ZNF862: variants seen among roughly 807,000 people sequenced by gnomAD.
ZNF862 encodes zinc finger protein 862.
A neutral mutation model predicts 91.1 loss-of-function variants in ZNF862; 64 were observed. The ratio of observed to expected loss-of-function variants is 0.70; its 90% CI spans 0.57 to 0.87. ZNF862 has a LOEUF of 0.87. Among genes scored for constraint, ZNF862 ranks in the 40% least tolerant of loss-of-function variants. ZNF862 has a pLI of 0.00. For missense variants in ZNF862, 1,459 were observed against 1,528.0 expected (o/e 0.95, Z 0.75); for synonymous variants, 631 against 618.1 (o/e 1.02, Z -0.31).
intron 6 of ZNF862, chr7:149,860,045 C>T: frequency 2.9e-6 from 1 of 341,966 alleles, no homozygotes; most frequent in South Asian, 5.7e-5. Context: ...GAGTGAAAGC[C>T]ACCTGCTTAT....
intron 2 of ZNF862, 52 bp from the exon 3 acceptor site, chr7:149,846,099 C>T (rs1242935893): frequency 1.7e-5 from 23 of 1,381,162 alleles, no homozygotes; most frequent in Admixed American, 3.7e-5. Flanking sequence ...GGAGCCAGGT[C>T]TTCATAGTGC....
Position 149,862,498 on chromosome 7 carries a change from A to G in ZNF862, c.3334+4A>G. 1.3e-6 allele frequency: 2 copies of G among 1,577,022 alleles called. No individual in the cohort carries two copies. Among genetic ancestry groups the G allele is most frequent in the Non-Finnish European group, 1.7e-6 (2 of 1,158,790 alleles). On this transcript the variant is annotated splice_donor_region_variant and intron_variant, in intron 7 of 7. Coordinates refer to ENST00000223210, the MANE Select transcript of ZNF862 (RefSeq NM_001099220.3). ...GTGCCAGCCCGCTCCCCTGCAAGTAAGTACACGTGGCAGAGCTCCCCCAAG... is the reference window on the plus strand; with the variant it reads ...GTGCCAGCCCGCTCCCCTGCAAGTAGGTACACGTGGCAGAGCTCCCCCAAG...
At chr7:149,853,371 C>T (rs570330184) in intron 5 of ZNF862, among the ~76,000 whole-genome samples, 4 of 152,300 alleles carry the variant, frequency 2.6e-5, no homozygotes, top group African/African-American at 9.6e-5. Flanking sequence ...CACGCACTCG[C>T]CACAGTTATG....
At chr7:149,851,809 A>T (rs925255963) in intron 5 of ZNF862, 1 of 152,200 alleles carries the variant, frequency 6.6e-6, no homozygotes, top group Non-Finnish European at 1.5e-5. Flanking sequence ...AAGGTCTTTA[A>T]ATTTTATTTG....
chr7:149,839,250 G>C (rs535343704), intron 1 of ZNF862, among the ~76,000 whole-genome samples: 1 of 152,324 alleles, frequency 6.6e-6, no homozygotes, highest in Non-Finnish European at 1.5e-5. Context: ...GATTGCCAGC[G>C]CTTCCAGGCC....
At position 149,861,231 on chromosome 7, in the gene ZNF862, G is replaced by T. The variant is rs1404402918; in HGVS notation, c.2071G>T (p.Val691Leu). The part of the protein sequence containing the change: ...LDIPFRKPGW[V>L]VGLGTDGSAM... ...CATCCCCTTCCGGAAGCCTGGCTGGGTGGTGGGGCTGGGGACGGATGGCTC... is the reference window on the plus strand; with the variant it reads ...CATCCCCTTCCGGAAGCCTGGCTGGTTGGTGGGGCTGGGGACGGATGGCTC... Residue 691 changes from valine to leucine, a missense_variant, in exon 7 of 8, where the codon GTG (valine) becomes TTG (leucine). Physicochemically the swap from Val to Leu is conservative, Grantham distance 32. Coordinates refer to ENST00000223210, the MANE Select transcript of ZNF862 (RefSeq NM_001099220.3). This position sits in a 1 kb window ranked among gnomAD's most constrained non-coding sequence, Gnocchi z 6.7. The T allele has an allele frequency of 6.2e-7, 1 of 1,612,314 alleles. No homozygotes were observed. Among genetic ancestry groups the T allele is most frequent in the Middle Eastern group, 1.6e-4 (1 of 6,062 alleles).
chr7:149,842,229 C>T (rs772628297), intron 1 of ZNF862, among the ~76,000 whole-genome samples: 3 of 152,018 alleles, frequency 2.0e-5, no homozygotes, highest in African/African-American at 2.4e-5. Flanking sequence ...AGGAAAGGTG[C>T]GAGATAGGCT....
chr7:149,857,548 T>C (rs1290504247), intron 5 of ZNF862, among the ~76,000 whole-genome samples: 1 of 152,234 alleles, frequency 6.6e-6, no homozygotes, highest in Non-Finnish European at 1.5e-5. Context: ...TCCTACTTGT[T>C]TTGGTTTCTC....
Position 149,861,468 on chromosome 7 carries a change from G to A in ZNF862, c.2308G>A (p.Gly770Ser), listed in dbSNP as rs1802494662. The stretch of plus-strand genomic sequence containing the variant: ...CAAGAGGCTGAACGAGCTGCAGGAA[G>A]GTGCGGCGCCTCTGGAGCAGGAGAT... ...SNKRLNELQE[G>S]AAPLEQEIIR... Residue 770 changes from glycine to serine, a missense_variant, in exon 7 of 8, where the codon GGT becomes AGT. Gly to Ser is a moderately conservative substitution (Grantham distance 56, BLOSUM62 0). Coordinates refer to ENST00000223210, the MANE Select transcript of ZNF862 (RefSeq NM_001099220.3). This position sits in a 1 kb window ranked among gnomAD's most constrained non-coding sequence, Gnocchi z 6.7. 1 of 1,613,236 alleles carries A rather than the reference G, an allele frequency of 6.2e-7. No individual in the cohort carries two copies. Among genetic ancestry groups the A allele is most frequent in the African/African-American group, 1.3e-5 (1 of 74,956 alleles).
chr7:149,840,044 C>T (rs1372393019), intron 1 of ZNF862, among the ~76,000 whole-genome samples: 1 of 151,982 alleles, frequency 6.6e-6, no homozygotes, highest in African/African-American at 2.4e-5. Flanking sequence ...TTTCCATCAA[C>T]ACCGCTCTCA....
At chr7:149,847,655 T>C (rs556662987) in intron 3 of ZNF862, 80 bp from the exon 4 acceptor site, 9 of 888,016 alleles carry the variant, frequency 1.0e-5, no homozygotes, top group Non-Finnish European at 1.5e-5. Flanking sequence ...TCATATTTGG[T>C]GTACCTCAGA....
At chr7:149,840,788 A>G (rs180800715) in intron 1 of ZNF862, 2 of 238,392 alleles carry the variant, frequency 8.4e-6, no homozygotes, top group Admixed American at 6.5e-5. Context: ...TATATACCAT[A>G]TAGCCTAGAT....
At chr7:149,853,420 G>A (rs1450784017) in intron 5 of ZNF862, among the ~76,000 whole-genome samples, 3 of 152,174 alleles carry the variant, frequency 2.0e-5, no homozygotes, top group Non-Finnish European at 4.4e-5. Context: ...CATAGAAAAC[G>A]CTGAAAATTC....
chr7:149,852,792 G>A (rs1802110840), intron 5 of ZNF862: 1 of 152,208 alleles, frequency 6.6e-6, no homozygotes, highest in African/African-American at 2.4e-5. Context: ...GGGACTATGT[G>A]GGTAGCCCTT....
intron 4 of ZNF862, among the ~76,000 whole-genome samples, chr7:149,849,060 C>T (rs1056764383): frequency 6.6e-6 from 1 of 152,184 alleles, no homozygotes; most frequent in African/African-American, 2.4e-5. Context: ...CTCATCCTCC[C>T]AAAATGCTAG....
Position 149,840,969 on chromosome 7 carries a change from A to G in ZNF862, c.24+2334A>G, listed in dbSNP as rs1801683537. On this transcript the variant is annotated intron_variant, in intron 1 of 7. Coordinates refer to ENST00000223210, the MANE Select transcript of ZNF862 (RefSeq NM_001099220.3). ...GAAACCTGATTCCGTGTCCTGTCCA[A>G]CCACTAAGTGAAACCTCAGAGACTG... 3.0e-6 allele frequency: 3 copies of G among 985,284 alleles called. No homozygotes were observed. In the African/African-American group the frequency reaches 5.2e-5, roughly 17 times the overall value. 61.0% of individuals were successfully genotyped at this position (985,284 alleles called of 1,614,324 possible). A position where few individuals can be genotyped will look rare whatever the true frequency, so the allele number is the denominator to read the frequency against.
rs1389626796 is a variant in ZNF862 at position 149,864,686 on chromosome 7, C to G, written c.*402C>G. The G allele has an allele frequency of 6.2e-6, 1 of 162,470 alleles. No homozygotes were observed. Among genetic ancestry groups the G allele is most frequent in the Non-Finnish European group, 1.3e-5 (1 of 74,618 alleles). The allele number at this position is 162,470 out of a possible 1,614,324, so 10.1% of individuals were successfully genotyped here. On this transcript the variant is annotated 3_prime_UTR_variant, in exon 8 of 8. Coordinates refer to ENST00000223210, the MANE Select transcript of ZNF862 (RefSeq NM_001099220.3). ...CAGTCTAAGTGGGAATGGGAAAGAC[C>G]ACCTTGTTAGAGGGGGAGGTTGCCC... is the stretch of plus-strand genomic sequence containing the variant.
chr7:149,850,055 C>G lies in ZNF862; in HGVS notation c.940-106C>G, dbSNP rs1802007444. The stretch of plus-strand genomic sequence containing the variant: ...AATTCCTCTGAGTGCATCTGGGCCT[C>G]TTGGTGAGCTTCCCAGGAGAAATAG... On this transcript the variant is annotated intron_variant, in intron 4 of 7. Coordinates refer to ENST00000223210, the MANE Select transcript of ZNF862 (RefSeq NM_001099220.3). This position sits in a 1 kb window ranked among gnomAD's most constrained non-coding sequence, Gnocchi z 4.2. The G allele has an allele frequency of 8.1e-7, 1 of 1,235,490 alleles. No homozygotes were observed. Among genetic ancestry groups the G allele is most frequent in the African/African-American group, 1.5e-5 (1 of 66,308 alleles). 76.5% of individuals were successfully genotyped at this position (1,235,490 alleles called of 1,614,324 possible).
intron 3 of ZNF862, among the ~76,000 whole-genome samples, chr7:149,847,080 A>G (rs953358622): frequency 1.1e-4 from 17 of 152,222 alleles, no homozygotes; most frequent in Non-Finnish European, 2.4e-4. Flanking sequence ...TTTGAGTTGC[A>G]TTTCATCTAA....
Sources: allele counts gnomAD v4.1 joint callset (sites outside exome capture counted in the v4.1 genomes callset), GRCh38; gene constraint gnomAD v4.1.1; non-coding constraint Gnocchi (gnomAD v3.1); transcripts MANE v1.5; gene names NCBI Gene and HGNC (gene_info 2026-07-23, HGNC 2026-07-21).